ECPAS: variants seen among roughly 807,000 people sequenced by gnomAD.
ECPAS encodes Ecm29 proteasome adaptor and scaffold.
Under a neutral mutation model 255.1 loss-of-function variants are expected in ECPAS, and 70 were observed. The observed-to-expected ratio is 0.27, with a 90% CI of 0.23 to 0.33. The LOEUF is 0.33. Among genes scored for constraint, ECPAS ranks in the 10% least tolerant of loss-of-function variants. ECPAS has a pLI of 1.00. For synonymous variants in ECPAS, 784 were observed against 775.0 expected (o/e 1.01, Z -0.19); for missense variants, 1,817 against 2,206.4 (o/e 0.82, Z 3.54).
chr9:111,418,728 A>T (rs2098208396), intron 16 of ECPAS, among the ~76,000 whole-genome samples: 1 of 152,242 alleles, frequency 6.6e-6, no homozygotes, highest in African/African-American at 2.4e-5. Flanking sequence ...AACAATTTTC[A>T]GCACTTACAG....
intron 2 of ECPAS, among the ~76,000 whole-genome samples, chr9:111,466,222 G>A (rs2098279376): frequency 6.6e-6 from 1 of 152,130 alleles, no homozygotes. Flanking sequence ...GCCGAGGTAA[G>A]TGATCACGAG....
intron 24 of ECPAS, 28 bp downstream of exon 24, chr9:111,408,543 A>G (rs2098188809): frequency 7.4e-7 from 1 of 1,360,466 alleles, no homozygotes; most frequent in African/African-American, 1.5e-5. Flanking sequence ...TCTCTGAATA[A>G]CTAACAATCA....
intron 24 of ECPAS, among the ~76,000 whole-genome samples, chr9:111,398,993 A>G (rs932967924): frequency 6.6e-6 from 1 of 152,176 alleles, no homozygotes; most frequent in Non-Finnish European, 1.5e-5. Context: ...TAGTGTGGCT[A>G]TAGTCAATAA....
Position 111,440,524 on chromosome 9 carries a change from GA to G in ECPAS, c.390-4del. ...TTGGTATTAAAAGATGCATTAAGCT[GA>G]AAAAACAATTACATTTATTGCAACT... On this transcript the variant is annotated splice_polypyrimidine_tract_variant and splice_region_variant and intron_variant, in intron 5 of 49. Transcript: ENST00000684092. 2 of 1,570,602 alleles carry G rather than the reference GA, an allele frequency of 1.3e-6. No individual in the cohort carries two copies. Among genetic ancestry groups the G allele is most frequent in the South Asian group, 1.2e-5 (1 of 86,194 alleles).
At chr9:111,405,892 G>C (rs780466009) in intron 24 of ECPAS, among the ~76,000 whole-genome samples, 21 of 149,534 alleles carry the variant, frequency 1.4e-4, no homozygotes, top group Non-Finnish European at 1.9e-4. Flanking sequence ...GAAAACAACA[G>C]CTGATAGTCA....
intron 3 of ECPAS, among the ~76,000 whole-genome samples, chr9:111,446,274 G>A (rs1374034331): frequency 6.6e-6 from 1 of 152,170 alleles, no homozygotes; most frequent in East Asian, 1.9e-4. Context: ...GATGTACAGA[G>A]GCTCATATCA....
intron 17 of ECPAS, among the ~76,000 whole-genome samples, chr9:111,417,143 G>A (rs2098205090): frequency 6.6e-6 from 1 of 152,090 alleles, no homozygotes; most frequent in African/African-American, 2.4e-5. Flanking sequence ...GGAGGCTGAG[G>A]AGGGTGGATC....
chr9:111,382,965 C>A (rs888816941), intron 35 of ECPAS, among the ~76,000 whole-genome samples: 2 of 152,150 alleles, frequency 1.3e-5, no homozygotes, highest in Non-Finnish European at 2.9e-5. Context: ...AACAGGAAGA[C>A]GTGCTTGTTG....
Position 111,433,389 on chromosome 9 carries a change from G to C in ECPAS, c.709-17C>G. The C allele has an allele frequency of 6.2e-7, 1 of 1,613,694 alleles. No homozygotes were observed. Among genetic ancestry groups the C allele is most frequent in the Non-Finnish European group, 8.5e-7 (1 of 1,179,738 alleles). On this transcript the variant is annotated splice_polypyrimidine_tract_variant and intron_variant, in intron 7 of 49. Transcript: ENST00000684092. The stretch of plus-strand genomic sequence containing the variant: ...CAATTTGCACTGTAGATAAATGAAG[G>C]GAAGGAGAAAGAACAGTCAGGGGAG...
intron 7 of ECPAS, among the ~76,000 whole-genome samples, chr9:111,435,046 GCAC>G (rs2098235944): frequency 1.3e-5 from 2 of 151,472 alleles, no homozygotes; most frequent in African/African-American, 4.9e-5. Flanking sequence ...TTACAGGCAT[GCAC>G]CACCACGCCC....
chr9:111,376,454 C>T, intron 37 of ECPAS, 22 bp downstream of exon 37: 1 of 1,557,630 alleles, frequency 6.4e-7, no homozygotes, highest in Non-Finnish European at 8.7e-7. Flanking sequence ...CAAACCCTCT[C>T]ATTATTATTT....
chr9:111,444,312 A>G (rs2098249955), intron 4 of ECPAS, 66 bp downstream of exon 4: 4 of 1,029,420 alleles, frequency 3.9e-6, no homozygotes, highest in Non-Finnish European at 5.9e-6. Flanking sequence ...TATGTTGATG[A>G]CATCTAATAA....
At chr9:111,474,648 T>C (rs556485962) in intron 1 of ECPAS, among the ~76,000 whole-genome samples, 2 of 152,330 alleles carry the variant, frequency 1.3e-5, no homozygotes, top group East Asian at 1.9e-4. Context: ...ACTAGTTCTG[T>C]TGGCATTCCT....
intron 35 of ECPAS, among the ~76,000 whole-genome samples, 190 bp downstream of exon 35, chr9:111,383,021 G>A (rs1219023246): frequency 6.6e-6 from 1 of 152,180 alleles, no homozygotes; most frequent in Non-Finnish European, 1.5e-5. Context: ...GACTCAGAAT[G>A]CTAGGCAAAA....
chr9:111,402,770 A>G (rs2098178128), intron 24 of ECPAS, among the ~76,000 whole-genome samples: 2 of 152,212 alleles, frequency 1.3e-5, no homozygotes, highest in South Asian at 2.1e-4. Context: ...CAAACTTGTT[A>G]TATTTTCTGA....
Position 111,412,195 on chromosome 9 carries a change from C to T in ECPAS, c.2080-47G>A, listed in dbSNP as rs570937186. The stretch of plus-strand genomic sequence containing the variant: ...CAAATATATACATGACACAGAACCA[C>T]GTGCCTGATGACAACATCTTTTAAA... On this transcript the variant is annotated intron_variant, in intron 20 of 49. Transcript: ENST00000684092. The T allele has an allele frequency of 1.2e-5, 17 of 1,439,290 alleles. No individual in the cohort carries two copies. The East Asian group carries it at 3.0e-4, about 25-fold the overall frequency. The allele number at this position is 1,439,290 out of a possible 1,614,324, so 89.2% of individuals were successfully genotyped here. A position where few individuals can be genotyped will look rare whatever the true frequency, so the allele number is the denominator to read the frequency against.
In ECPAS at chr9:111,447,073, G is replaced by A. The variant is rs75206064; in HGVS notation, c.154-2579C>T. ...TCTATAGAAAATTATTATCGATGGA[G>A]ACAGAGAATCTTGCCCACAATTGCA... On this transcript the variant is annotated intron_variant, in intron 3 of 49. Transcript: ENST00000684092. Among the ~76,000 whole-genome samples the A allele has an allele frequency of 2.6e-5, 4 of 152,060 alleles. No individual in the cohort carries two copies. In the East Asian group the frequency reaches 7.7e-4, roughly 29 times the overall value.
chr9:111,361,752 G>C lies in ECPAS; in HGVS notation c.*278C>G, dbSNP rs922812842. On this transcript the variant is annotated 3_prime_UTR_variant, in exon 50 of 50. Transcript: ENST00000684092. ...CTGTCTATTAATTCCTTTAATAACA[G>C]CTTGAACTCTTTTAGTAACTATTTC... 7 of 251,284 alleles carry C rather than the reference G, an allele frequency of 2.8e-5. No homozygotes were observed. Among genetic ancestry groups the C allele is most frequent in the African/African-American group, 1.6e-4 (7 of 44,728 alleles). The allele number at this position is 251,284 out of a possible 1,614,324, so 15.6% of individuals were successfully genotyped here. A position where few individuals can be genotyped will look rare whatever the true frequency, so the allele number is the denominator to read the frequency against.
intron 8 of ECPAS, among the ~76,000 whole-genome samples, chr9:111,431,980 A>G (rs1180840653): frequency 2.0e-5 from 3 of 152,212 alleles, no homozygotes; most frequent in South Asian, 2.1e-4. Flanking sequence ...CAAAACAAAC[A>G]CTTTAGTAAA....
Sources: allele counts gnomAD v4.1 joint callset (sites outside exome capture counted in the v4.1 genomes callset), GRCh38; gene constraint gnomAD v4.1.1; transcripts MANE v1.5; gene names NCBI Gene and HGNC (gene_info 2026-07-23, HGNC 2026-07-21).